Variants in RABGAP1L observed in about 807,000 individuals in gnomAD.
RABGAP1L encodes rab GTPase-activating protein 1-like.
Under a neutral mutation model 137.7 loss-of-function variants are expected in RABGAP1L, and 63 were observed. That is an observed-to-expected ratio of 0.46 (90% CI 0.37 to 0.56). RABGAP1L has a LOEUF of 0.56. Among genes scored for constraint, RABGAP1L ranks in the 20% least tolerant of loss-of-function variants. RABGAP1L has a pLI of 0.00. For synonymous variants in RABGAP1L, 431 were observed against 433.7 expected (o/e 0.99, Z 0.08); for missense variants, 1,095 against 1,244.0 (o/e 0.88, Z 1.80).
At chr1:174,160,574 C>T (rs1664357614) in intron 1 of RABGAP1L, among the ~76,000 whole-genome samples, 1 of 152,168 alleles carries the variant, frequency 6.6e-6, no homozygotes. Context: ...ACTGAAATGC[C>T]AGCCTTATTA....
chr1:174,493,892 G>A (rs4284299), intron 13 of RABGAP1L, among the ~76,000 whole-genome samples: 1 of 150,796 alleles, frequency 6.6e-6, no homozygotes, highest in South Asian at 2.1e-4. Context: ...TTTTAAGTAA[G>A]GTATTTGAGG....
chr1:174,892,334 A>G (rs1656318484), intron 19 of RABGAP1L: 2 of 347,826 alleles, frequency 5.8e-6, no homozygotes, highest in Non-Finnish European at 1.1e-5. Context: ...TGAAAAGTCT[A>G]GTGGGAAGGA....
chr1:174,569,445 G>C (rs895420799), intron 13 of RABGAP1L, among the ~76,000 whole-genome samples: 17 of 152,118 alleles, frequency 1.1e-4, no homozygotes, highest in African/African-American at 4.1e-4. Flanking sequence ...GATCCCTATG[G>C]AACTTGGAAA....
chr1:174,697,764 A>G (rs1679373427), intron 15 of RABGAP1L, among the ~76,000 whole-genome samples: 1 of 152,218 alleles, frequency 6.6e-6, no homozygotes, highest in African/African-American at 2.4e-5. Flanking sequence ...TTTGATGACA[A>G]AGGAGTAAAG....
intron 18 of RABGAP1L, among the ~76,000 whole-genome samples, chr1:174,811,528 C>T (rs1260612109): frequency 2.6e-5 from 4 of 152,102 alleles, no homozygotes; most frequent in Admixed American, 2.0e-4. Context: ...TTATTCTTTT[C>T]TCAGAGCTGT....
intron 19 of RABGAP1L, among the ~76,000 whole-genome samples, chr1:174,895,428 TTTTTGC>T (rs1656970094): frequency 6.6e-6 from 1 of 151,894 alleles, no homozygotes; most frequent in Non-Finnish European, 1.5e-5. Context: ...TTTTTTTTTT[TTTTTGC>T]TTTTGGAAGT....
At chr1:174,678,297 A>G (rs1382569407) in intron 14 of RABGAP1L, among the ~76,000 whole-genome samples, 1 of 152,180 alleles carries the variant, frequency 6.6e-6, no homozygotes, top group Non-Finnish European at 1.5e-5. Flanking sequence ...TTAAAGAAGA[A>G]TTAATACCAG....
rs1234228992 is a variant in RABGAP1L, at chr1:174,195,616, T to TCTTTCTTCCTTC, written c.-33-23506_-33-23505insTCTTCCTTCCTT. Among the ~76,000 whole-genome samples the TCTTTCTTCCTTC allele has an allele frequency of 8.3e-3, 477 of 57,562 alleles. 6 individuals are homozygous for TCTTTCTTCCTTC. The highest frequency in any genetic ancestry group is 0.015 in the South Asian group (19 of 1,258). 37.8% of individuals were successfully genotyped at this position (57,562 alleles called of 152,430 possible). On this transcript the variant is annotated intron_variant, in intron 1 of 25. Transcript: ENST00000681986. ...TTCTTTCTTTCTTTCTTTCTTTCTT[T>TCTTTCTTCCTTC]CTTCCTTCCTTCCTTCCTTCCTTCC...
intron 18 of RABGAP1L, among the ~76,000 whole-genome samples, chr1:174,799,737 C>T (rs1372720850): frequency 1.3e-5 from 2 of 152,060 alleles, no homozygotes; most frequent in Non-Finnish European, 2.9e-5. Flanking sequence ...CCTACCCCTT[C>T]ATTACTGATT....
At chr1:174,808,664 T>A (rs1290713648) in intron 18 of RABGAP1L, among the ~76,000 whole-genome samples, 2 of 151,942 alleles carry the variant, frequency 1.3e-5, no homozygotes, top group East Asian at 3.9e-4. Flanking sequence ...CTTTCTTTTT[T>A]TTTTTTGAGA....
At chr1:174,431,366 G>A (rs1050714074) in intron 13 of RABGAP1L, among the ~76,000 whole-genome samples, 11 of 152,120 alleles carry the variant, frequency 7.2e-5, no homozygotes, top group South Asian at 2.1e-4. Flanking sequence ...GGAAAAGATC[G>A]TGATTAATGG....
intron 18 of RABGAP1L, among the ~76,000 whole-genome samples, chr1:174,798,291 C>T (rs887430878): frequency 1.3e-5 from 2 of 150,844 alleles, no homozygotes; most frequent in Non-Finnish European, 2.9e-5. Flanking sequence ...CTTGTAGTCC[C>T]AGCTACTCGG....
At position 174,331,158 on chromosome 1, in the gene RABGAP1L, C is replaced by CCT. The variant is rs143439254; in HGVS notation, c.1465+26042_1465+26043dup. 2.0e-3 allele frequency among the ~76,000 whole-genome samples: 298 copies of CCT among 151,808 alleles called. 1 individual carries two copies. The highest frequency in any genetic ancestry group is 6.8e-3 in the African/African-American group (282 of 41,460). ...ACATGTAAAAGAATGAAACTAGGCC[C>CCT]CTCTCTCTCTCTGTATGTAAGTCAA... On this transcript the variant is annotated intron_variant, in intron 11 of 25. Transcript: ENST00000681986.
At chr1:174,988,528 A>G (rs2149399340) in intron 24 of RABGAP1L, 113 bp from the exon 25 acceptor site, 3 of 913,442 alleles carry the variant, frequency 3.3e-6, no homozygotes, top group East Asian at 3.1e-5. Context: ...ACCTTCAGAA[A>G]TGGGCCTGCA....
intron 13 of RABGAP1L, among the ~76,000 whole-genome samples, chr1:174,403,135 C>G (rs1648808698): frequency 6.6e-6 from 1 of 151,854 alleles, no homozygotes; most frequent in Non-Finnish European, 1.5e-5. Context: ...AGGTGTTTCT[C>G]TCTACCACTT....
intron 7 of RABGAP1L, among the ~76,000 whole-genome samples, chr1:174,262,136 A>G (rs1673627580): frequency 6.6e-6 from 1 of 152,204 alleles, no homozygotes; most frequent in African/African-American, 2.4e-5. Flanking sequence ...GACAATTGAT[A>G]GAAAGCTATT....
At chr1:174,615,240 G>A (rs543772625) in intron 13 of RABGAP1L, among the ~76,000 whole-genome samples, 1 of 152,164 alleles carries the variant, frequency 6.6e-6, no homozygotes, top group Admixed American at 6.5e-5. Flanking sequence ...TGATGGTTAT[G>A]TACAGATGGG....
intron 18 of RABGAP1L, among the ~76,000 whole-genome samples, chr1:174,762,503 C>G (rs1228604344): frequency 6.6e-6 from 1 of 152,228 alleles, no homozygotes; most frequent in Non-Finnish European, 1.5e-5. Context: ...AGTGAAAACA[C>G]AGGTTCCCTT....
chr1:174,819,187 T>TAAAAAAAAAAAAAAAAAA (rs71299431), intron 19 of RABGAP1L, among the ~76,000 whole-genome samples: 1 of 44,840 alleles, frequency 2.2e-5, no homozygotes, highest in Non-Finnish European at 4.1e-5. Flanking sequence ...TGCCTGTCTC[T>TAAAAAAAAAAAAAAAAAA]AAAAAAAAAA....
Sources: allele counts gnomAD v4.1 joint callset (sites outside exome capture counted in the v4.1 genomes callset), GRCh38; gene constraint gnomAD v4.1.1; transcripts MANE v1.5; gene names NCBI Gene and HGNC (gene_info 2026-07-23, HGNC 2026-07-21).